Variants in CDH18 observed in about 807,000 individuals in gnomAD.
CDH18 encodes cadherin 18.
In CDH18, 31 loss-of-function variants were observed where a neutral mutation model predicts 67.9. That is an observed-to-expected ratio of 0.46 (90% confidence interval 0.34 to 0.62). The LOEUF is 0.62. Among genes scored for constraint, CDH18 ranks in the 20% least tolerant of loss-of-function variants. The pLI is 0.01. For synonymous variants in CDH18, 362 were observed against 347.2 expected, an observed-to-expected ratio of 1.04 and a Z score of -0.48; for missense variants, 890 against 975.5, an observed-to-expected ratio of 0.91 and a Z score of 1.17.
chr5:19,933,094 C>G (rs964636415), intron 2 of CDH18, among the ~76,000 whole-genome samples: 1 of 151,378 alleles, frequency 6.6e-6, no homozygotes, highest in Non-Finnish European at 1.5e-5. Flanking sequence ...CTGGCTGGTA[C>G]TTTTGTCCTT....
intron 2 of CDH18, among the ~76,000 whole-genome samples, chr5:20,230,747 T>C (rs1296750162): frequency 6.6e-6 from 1 of 152,180 alleles, no homozygotes; most frequent in African/African-American, 2.4e-5. Flanking sequence ...TTTTTGTTAT[T>C]CTAGGTCTTC....
chr5:20,301,313 GT>G (rs1236724029), intron 1 of CDH18, among the ~76,000 whole-genome samples: 1 of 152,074 alleles, frequency 6.6e-6, no homozygotes, highest in East Asian at 1.9e-4. Context: ...AAGTATTTTA[GT>G]TTTAGAAAAC....
chr5:20,390,990 G>C (rs958717703), intron 1 of CDH18, among the ~76,000 whole-genome samples: 2 of 152,010 alleles, frequency 1.3e-5, no homozygotes, highest in Non-Finnish European at 2.9e-5. Context: ...GTTGTGGGGT[G>C]GGGGAAGAGG....
intron 1 of CDH18, among the ~76,000 whole-genome samples, chr5:20,300,295 T>TGTGTGCGC (rs1281112655): frequency 2.0e-5 from 1 of 49,544 alleles, no homozygotes; most frequent in African/African-American, 5.4e-5. Context: ...GATTAAGTTG[T>TGTGTGCGC]GTGTGTGCGT....
intron 2 of CDH18, among the ~76,000 whole-genome samples, chr5:20,063,266 C>T (rs1742666125): frequency 6.6e-6 from 1 of 151,164 alleles, no homozygotes; most frequent in South Asian, 2.1e-4. Context: ...ATTCCCAGTA[C>T]CTTAACACTA....
intron 2 of CDH18, among the ~76,000 whole-genome samples, chr5:20,038,016 A>T (rs1331550715): frequency 6.6e-6 from 1 of 152,152 alleles, no homozygotes; most frequent in Non-Finnish European, 1.5e-5. Flanking sequence ...CATAAAAGGG[A>T]TATCACCACT....
chr5:20,238,551 A>C (rs1488304243), intron 2 of CDH18, among the ~76,000 whole-genome samples: 1 of 152,164 alleles, frequency 6.6e-6, no homozygotes, highest in African/African-American at 2.4e-5. Flanking sequence ...AAGATCTAAC[A>C]TACCAAGTTT....
At chr5:19,686,115 A>T (rs1415002886) in intron 5 of CDH18, among the ~76,000 whole-genome samples, 1 of 152,142 alleles carries the variant, frequency 6.6e-6, no homozygotes, top group Non-Finnish European at 1.5e-5. Context: ...TGTATTTGAT[A>T]TTATTGTTAG....
At chr5:20,023,841 C>T (rs760833110) in intron 2 of CDH18, among the ~76,000 whole-genome samples, 3 of 152,166 alleles carry the variant, frequency 2.0e-5, no homozygotes, top group Non-Finnish European at 4.4e-5. Context: ...CTCACTTGCT[C>T]CAGAATCATA....
chr5:19,494,281 C>T (rs943369640), intron 11 of CDH18, among the ~76,000 whole-genome samples: 3 of 152,072 alleles, frequency 2.0e-5, no homozygotes, highest in East Asian at 1.9e-4. Context: ...CATTACATTG[C>T]ATGTGTGTTT....
At chr5:20,269,139 G>A (rs988864894) in intron 1 of CDH18, among the ~76,000 whole-genome samples, 2 of 151,924 alleles carry the variant, frequency 1.3e-5, no homozygotes, top group Non-Finnish European at 2.9e-5. Context: ...AATGCTCAAC[G>A]TCACTAATCA....
chr5:20,398,940 C>G (rs985117501), intron 1 of CDH18, among the ~76,000 whole-genome samples: 15 of 84,196 alleles, frequency 1.8e-4, no homozygotes, highest in African/African-American at 6.6e-4. Flanking sequence ...CGTATACCTA[C>G]ATAGAAAACC....
chr5:19,936,442 T>C lies in CDH18; in HGVS notation c.-257+44618A>G, dbSNP rs1373793212. Among the ~76,000 whole-genome samples the C allele has an allele frequency of 1.3e-5, 2 of 151,316 alleles. 1 individual carries two copies. The highest frequency in any genetic ancestry group is 1.3e-4 in the Admixed American group (2 of 15,102). On this transcript the variant is annotated intron_variant, in intron 2 of 12. Transcript: ENST00000382275. Reference sequence around the variant, plus strand: ...TTAACCTGAACTACTCTGAATTTTATGTTTTTAAACACTGTATACCATGAA... The same window carrying C: ...TTAACCTGAACTACTCTGAATTTTACGTTTTTAAACACTGTATACCATGAA...
intron 1 of CDH18, among the ~76,000 whole-genome samples, chr5:20,560,131 ACT>A (rs1440793022): frequency 1.3e-5 from 2 of 151,976 alleles, no homozygotes; most frequent in Non-Finnish European, 2.9e-5. Context: ...GAATCAGCAT[ACT>A]CTCTGCCATC....
intron 5 of CDH18, among the ~76,000 whole-genome samples, chr5:19,667,507 TACACAC>T (rs35326145): frequency 1.5e-5 from 2 of 129,234 alleles, no homozygotes; most frequent in African/African-American, 3.1e-5. Context: ...TATATATATA[TACACAC>T]ACACACACAC....
At chr5:20,474,761 T>C (rs1282803623) in intron 1 of CDH18, among the ~76,000 whole-genome samples, 1 of 152,258 alleles carries the variant, frequency 6.6e-6, no homozygotes, top group Non-Finnish European at 1.5e-5. Context: ...CAGTGTTTGC[T>C]CTTTGCTGCT....
chr5:20,448,711 G>C (rs1041256932), intron 1 of CDH18, among the ~76,000 whole-genome samples: 7 of 152,094 alleles, frequency 4.6e-5, no homozygotes, highest in African/African-American at 1.7e-4. Flanking sequence ...AAATGGCATG[G>C]AATCTATATC....
rs566763266 is a variant in CDH18 at position 20,003,744 on chromosome 5, A to C, written c.-517-11730T>G. ...CGTCTCTACTAAAAACACACACACA[A>C]AAAATTAGCCGGGCGTGGTGGCGGG... On this transcript the variant is annotated intron_variant, in intron 2 of 14. Coordinates refer to the CDH18 transcript ENST00000507958. Among the ~76,000 whole-genome samples, 340 of 152,048 alleles carry C rather than the reference A, an allele frequency of 2.2e-3. 2 individuals are homozygous for C. Among genetic ancestry groups the C allele is most frequent in the African/African-American group, 4.0e-3 (165 of 41,478 alleles).
intron 1 of CDH18, among the ~76,000 whole-genome samples, chr5:20,543,451 TTTTC>T (rs1242013774): frequency 6.6e-6 from 1 of 152,094 alleles, no homozygotes; most frequent in Non-Finnish European, 1.5e-5. Context: ...TACTTTAGTG[TTTTC>T]TTTATTTTGC....
Sources: gnomAD v4.1 joint callset for allele counts (sites outside exome capture counted in the v4.1 genomes callset) on GRCh38, gnomAD v4.1.1 for gene constraint, MANE v1.5 for transcripts, NCBI Gene and HGNC (gene_info 2026-07-23, HGNC 2026-07-21) for gene names.